Variants in SV2C observed in about 807,000 individuals in gnomAD.
The protein encoded by SV2C is solute carrier family 22 member B3.
Under a neutral mutation model 79.7 loss-of-function variants are expected in SV2C, and 49 were observed. That is an observed-to-expected ratio of 0.61 (90% CI 0.49 to 0.78). The LOEUF is 0.78. Among genes scored for constraint, SV2C ranks in the 30% least tolerant of loss-of-function variants. SV2C has a pLI of 0.00. For synonymous variants in SV2C, 334 were observed against 333.2 expected (o/e 1.00, Z -0.03); for missense variants, 833 against 912.9 (o/e 0.91, Z 1.13).
intron 2 of SV2C, among the ~76,000 whole-genome samples, chr5:76,172,381 GCCC>G (rs1743325158): frequency 1.4e-5 from 1 of 70,310 alleles, no homozygotes; most frequent in Non-Finnish European, 2.8e-5. Context: ...GAAGTGAGGA[GCCC>G]CTCTGCCCGG....
At chr5:76,026,074 T>G in the SV2C span, among the ~76,000 whole-genome samples, 1 of 152,078 alleles carries the variant, frequency 6.6e-6, no homozygotes, top group Admixed American at 6.6e-5. Context: ...GACAATCAGG[T>G]AAGCCAATTA....
At chr5:76,294,302 CTCT>C (rs1359971910) in intron 8 of SV2C, among the ~76,000 whole-genome samples, 8 of 126,156 alleles carry the variant, frequency 6.3e-5, no homozygotes, top group Non-Finnish European at 1.0e-4. Context: ...CATTCTCTCT[CTCT>C]TTTTTTTTTT....
At position 76,194,826 on chromosome 5, in the gene SV2C, G is replaced by C. The variant is rs1041448369; in HGVS notation, c.581-93G>C. The C allele has an allele frequency of 1.0e-5, 15 of 1,437,922 alleles. No homozygotes were observed. The African/African-American group carries it at 2.0e-4, about 19-fold the overall frequency. 89.1% of individuals were successfully genotyped at this position (1,437,922 alleles called of 1,614,324 possible). On this transcript the variant is annotated intron_variant, in intron 2 of 12. Coordinates refer to ENST00000502798, the MANE Select transcript of SV2C (RefSeq NM_014979.4). ...AAAGGAAATTTTCCTCATGCAAAAT[G>C]CTGGAATGTATTTTGTTCCTTGTTC...
chr5:76,057,747 T>C, the SV2C span, among the ~76,000 whole-genome samples: 780 of 152,194 alleles, frequency 5.1e-3, 4 homozygotes, highest in African/African-American at 0.018. Flanking sequence ...CACAGAGAAA[T>C]GTGACTGACT....
At chr5:75,982,371 A>T in the SV2C span, among the ~76,000 whole-genome samples, 1 of 152,246 alleles carries the variant, frequency 6.6e-6, no homozygotes, top group Non-Finnish European at 1.5e-5. Flanking sequence ...AAAGTTCAAC[A>T]TCACTGATCA....
At chr5:75,907,268 G>C in the SV2C span, among the ~76,000 whole-genome samples, 10,236 of 152,204 alleles carry the variant, frequency 0.067, 1,140 homozygotes, top group African/African-American at 0.23. Flanking sequence ...AGACTCTTTT[G>C]ACTAAATATT....
chr5:76,000,907 A>C, the SV2C span, among the ~76,000 whole-genome samples: 2 of 152,166 alleles, frequency 1.3e-5, no homozygotes, highest in Non-Finnish European at 2.9e-5. Flanking sequence ...TTTCATGCTT[A>C]AATAGAGCAA....
intron 4 of SV2C, among the ~76,000 whole-genome samples, chr5:76,248,970 T>C (rs1374541653): frequency 6.6e-6 from 1 of 152,184 alleles, no homozygotes; most frequent in Admixed American, 6.5e-5. Context: ...CAGAAGTTCC[T>C]GTGTTGAGAG....
intron 4 of SV2C, among the ~76,000 whole-genome samples, chr5:76,238,559 G>A (rs79406455): frequency 0.011 from 1,685 of 152,212 alleles, 38 homozygotes; most frequent in African/African-American, 0.038. Flanking sequence ...ATTTAAGAGC[G>A]AAGCACGGAA....
At chr5:76,024,099 T>C in the SV2C span, among the ~76,000 whole-genome samples, 1 of 152,158 alleles carries the variant, frequency 6.6e-6, no homozygotes, top group Non-Finnish European at 1.5e-5. Flanking sequence ...TTATTTTCTG[T>C]TTTTTCCTTC....
At chr5:76,307,270 T>C (rs373587254) in intron 12 of SV2C, among the ~76,000 whole-genome samples, 4 of 152,306 alleles carry the variant, frequency 2.6e-5, no homozygotes, top group East Asian at 3.9e-4. Flanking sequence ...CTCTATAAAA[T>C]GGGGTGAGTG....
At chr5:76,248,876 C>T (rs1020794156) in intron 4 of SV2C, among the ~76,000 whole-genome samples, 4 of 152,152 alleles carry the variant, frequency 2.6e-5, no homozygotes, top group African/African-American at 9.7e-5. Flanking sequence ...GCCTTGGTCT[C>T]CCAAAGTGCT....
At chr5:76,346,507 C>A (rs753754667) in intron 12 of SV2C, among the ~76,000 whole-genome samples, 1 of 152,110 alleles carries the variant, frequency 6.6e-6, no homozygotes, top group Admixed American at 6.5e-5. Flanking sequence ...CTACAAATTA[C>A]CCCCAGGGAG....
the SV2C span, among the ~76,000 whole-genome samples, chr5:75,972,801 A>G: frequency 1.3e-5 from 2 of 152,084 alleles, no homozygotes; most frequent in African/African-American, 4.8e-5. Context: ...TAGAAATACC[A>G]TTTGACCCAG....
chr5:75,903,536 G>T, the SV2C span, among the ~76,000 whole-genome samples: 1 of 152,046 alleles, frequency 6.6e-6, no homozygotes, highest in Non-Finnish European at 1.5e-5. Flanking sequence ...TCATTCCACT[G>T]CAGTACTCTC....
chr5:76,259,116 T>G (rs1746385946), intron 4 of SV2C, among the ~76,000 whole-genome samples: 1 of 152,218 alleles, frequency 6.6e-6, no homozygotes, highest in African/African-American at 2.4e-5. Flanking sequence ...AAAGAATTAA[T>G]TTTTTTAAGG....
chr5:75,887,350 A>G, the SV2C span, among the ~76,000 whole-genome samples: 3 of 151,964 alleles, frequency 2.0e-5, no homozygotes, highest in African/African-American at 7.3e-5. Flanking sequence ...CCTTTGACTA[A>G]TAGCTCTCCA....
At chr5:76,019,502 C>T in the SV2C span, among the ~76,000 whole-genome samples, 92,259 of 151,950 alleles carry the variant, frequency 0.61, 28,719 homozygotes, top group African/African-American at 0.72. Context: ...AACCTTCAAA[C>T]GTGATGAGGG....
At chr5:76,186,624 G>A (rs565325410) in intron 2 of SV2C, among the ~76,000 whole-genome samples, 27 of 152,274 alleles carry the variant, frequency 1.8e-4, no homozygotes, top group East Asian at 7.7e-4. Context: ...TCCAGGAGGC[G>A]GTGGTTGCAG....
Sources: allele counts gnomAD v4.1 joint callset (sites outside exome capture counted in the v4.1 genomes callset), GRCh38; gene constraint gnomAD v4.1.1; transcripts MANE v1.5; gene names NCBI Gene and HGNC (gene_info 2026-07-23, HGNC 2026-07-21).